KCNH6: variants seen among roughly 807,000 people sequenced by gnomAD.
KCNH6 encodes potassium voltage-gated channel subfamily H member 6.
A neutral mutation model predicts 83.4 loss-of-function variants in KCNH6; 81 were observed. The observed-to-expected ratio is 0.97, with a 90% CI of 0.81 to 1.17. The LOEUF is 1.17. Ranked by LOEUF, KCNH6 falls within the 50% of genes most tolerant of loss-of-function variation. The pLI, the probability that KCNH6 is intolerant of heterozygous loss-of-function variation, is 0.00. For synonymous variants in KCNH6, 503 were observed against 545.6 expected (o/e 0.92, Z 1.09); for missense variants, 1,203 against 1,290.5 (o/e 0.93, Z 1.04).
chr17:63,544,491 G>A, intron 11 of KCNH6, 80 bp downstream of exon 11: 2 of 1,323,860 alleles, frequency 1.5e-6, no homozygotes, highest in Non-Finnish European at 2.0e-6. Flanking sequence ...AGGGTGCCAG[G>A]TGGGTTTTAG....
intron 10 of KCNH6, 49 bp downstream of exon 10, chr17:63,543,709 C>G: frequency 9.2e-7 from 1 of 1,085,168 alleles, no homozygotes; most frequent in African/African-American, 1.5e-5. Flanking sequence ...CCCTGCCCAG[C>G]CTCCTACCCC....
rs9913102 is a variant in KCNH6 at position 63,533,204 on chromosome 17, G to A, written c.676-682G>A. Among the ~76,000 whole-genome samples, 963 of 152,138 alleles carry A rather than the reference G, an allele frequency of 6.3e-3. 12 individuals carry two copies. The highest frequency in any genetic ancestry group is 0.021 in the African/African-American group (876 of 41,512). On this transcript the variant is annotated intron_variant, in intron 4 of 12. Transcript: ENST00000314672. This position sits in a 1 kb window ranked among gnomAD's most constrained non-coding sequence, Gnocchi z 4.1. ...TGATCACAGTCTTGGAGGCGGGGGC[G>A]GGAGGGGAGAAGGGAGAAGGGAAGG...
intron 4 of KCNH6, among the ~76,000 whole-genome samples, chr17:63,532,037 G>C (rs1326791065): frequency 6.6e-6 from 1 of 152,252 alleles, no homozygotes; most frequent in East Asian, 1.9e-4. Flanking sequence ...CATCCTGAGG[G>C]CCTTGCAGCT....
chr17:63,542,182 C>T (rs2032899579), intron 8 of KCNH6, 59 bp from the exon 9 acceptor site: 4 of 1,568,000 alleles, frequency 2.6e-6, no homozygotes, highest in Non-Finnish European at 3.5e-6. Context: ...GGTCAAAGGA[C>T]CCTCATAAGG....
In KCNH6 at chr17:63,538,554, C is replaced by A; in HGVS notation, c.1846C>A (p.Pro616Thr). The A allele has an allele frequency of 6.2e-7, 1 of 1,612,000 alleles. No individual in the cohort carries two copies. Residue 616 changes from proline (P) to threonine (T), a missense_variant, in exon 8 of 13, where the codon CCG becomes ACG. Pro to Thr is a conservative substitution (Grantham distance 38). Coordinates refer to ENST00000314672, the MANE Select transcript of KCNH6 (RefSeq NM_001278919.2). This position sits in a 1 kb window ranked among gnomAD's most constrained non-coding sequence, Gnocchi z 4.0. ...CGTCAAGTTCAAGACCACCCACGCG[C>A]CGCCTGGGGACACGCTGGTGCACCT... Reference protein sequence around the residue: ...LAVKFKTTHAPPGDTLVHLGD... With the variant: ...LAVKFKTTHATPGDTLVHLGD...
rs896494193 is a variant in KCNH6 at position 63,534,088 on chromosome 17, G to A, written c.878G>A (p.Cys293Tyr). ...CAGGACGAATCACGGCGTGGGGCCT[G>A]CAGCTATACCTGCAGTCCCCTCACT... Reference protein sequence around the residue: ...SDQDESRRGACSYTCSPLTVV... With the variant: ...SDQDESRRGAYSYTCSPLTVV... The change falls in exon 5 of 13, where the codon TGC becomes TAC. Residue 293 changes from cysteine (C) to tyrosine (Y), a missense_variant. Physicochemically the swap from Cys to Tyr is radical, Grantham distance 194. Transcript: ENST00000314672. The surrounding 1 kb of genome is among the most constrained non-coding windows in gnomAD (Gnocchi z 5.0). 1 of 1,604,538 alleles carries A rather than the reference G, an allele frequency of 6.2e-7. No homozygotes were observed. The highest frequency in any genetic ancestry group is 8.5e-7 in the Non-Finnish European group (1 of 1,178,424).
Position 63,544,292 on chromosome 17 carries a change from G to A in KCNH6, c.2277G>A (p.Trp759Ter). 1 of 1,609,422 alleles carries A rather than the reference G, an allele frequency of 6.2e-7. No homozygotes were observed. The highest frequency in any genetic ancestry group is 2.2e-5 in the East Asian group (1 of 44,832). ...GCATCTCAGATGCATCTGGCCTCTG[G>A]CCTGAGCTACTGCAGGAAATGCCCC... ...PLSISDASGL[W>*]PELLQEMPPR... The change falls in exon 11 of 13, where the codon TGG (tryptophan) becomes TGA (stop). Residue 759 changes from tryptophan to a stop codon, truncating the protein, a stop_gained. Transcript: ENST00000314672. LOFTEE classifies it high-confidence loss of function.
rs2031493114 is a variant in KCNH6 at position 63,523,657 on chromosome 17, C to T, written c.76+168C>T. ...CAACACCTTCTCCTCCAGGGGGACC[C>T]GCTTGCCTTAAATGCTGTCCTCTTT... On this transcript the variant is annotated intron_variant, in intron 1 of 12. Coordinates refer to ENST00000314672, the MANE Select transcript of KCNH6 (RefSeq NM_001278919.2). This position sits in a 1 kb window ranked among gnomAD's most constrained non-coding sequence, Gnocchi z 4.2. 6.6e-6 allele frequency among the ~76,000 whole-genome samples: 1 copy of T among 152,066 alleles called. No homozygotes were observed. Among genetic ancestry groups the T allele is most frequent in the African/African-American group, 2.4e-5 (1 of 41,380 alleles).
Position 63,542,267 on chromosome 17 carries a change from G to A in KCNH6, c.1981G>A (p.Val661Ile), listed in dbSNP as rs758701564. 16 of 1,613,900 alleles carry A rather than the reference G, an allele frequency of 9.9e-6. No homozygotes were observed. Among genetic ancestry groups the A allele is most frequent in the Admixed American group, 1.7e-5 (1 of 60,008 alleles). Residue 661 changes from valine (V) to isoleucine (I), a missense_variant, in exon 9 of 13, where the codon GTC becomes ATC. Transcript: ENST00000314672. ...AAAGAATGACATCTTTGGGGAACCC[G>A]TCAGCCTCCATGCCCAGCCAGGCAA... ...LGKNDIFGEP[V>I]SLHAQPGKSS...
rs2147670308 is a variant in KCNH6 at position 63,534,108 on chromosome 17, C to T, written c.898C>T (p.Leu300Phe). The change falls in exon 5 of 13, where the codon CTC becomes TTC. Residue 300 changes from leucine to phenylalanine, a missense_variant. Transcript: ENST00000314672. The surrounding 1 kb of genome is among the most constrained non-coding windows in gnomAD (Gnocchi z 5.0). ...GGCCTGCAGCTATACCTGCAGTCCCCTCACTGTGGTGGATCTCATCGTGGA... is the reference window on the plus strand; with the variant it reads ...GGCCTGCAGCTATACCTGCAGTCCCTTCACTGTGGTGGATCTCATCGTGGA... ...RGACSYTCSP[L>F]TVVDLIVDIM... 6.2e-7 allele frequency: 1 copy of T among 1,613,008 alleles called. No homozygotes were observed. Among genetic ancestry groups the T allele is most frequent in the East Asian group, 2.2e-5 (1 of 44,834 alleles).
In KCNH6 at chr17:63,534,219, A is replaced by T; in HGVS notation, c.1009A>T (p.Ile337Phe). Residue 337 changes from isoleucine (I) to phenylalanine (F), a missense_variant, in exon 5 of 13, where the codon ATC (isoleucine) becomes TTC (phenylalanine). Physicochemically the swap from Ile to Phe is conservative, Grantham distance 21 (BLOSUM62 0). Coordinates refer to ENST00000314672, the MANE Select transcript of KCNH6 (RefSeq NM_001278919.2). The surrounding 1 kb of genome is among the most constrained non-coding windows in gnomAD (Gnocchi z 5.0). ...TGAGGTGGTCAGCCACCCCCGCCGC[A>T]TCGCCGTCCACTACTTCAAGGGCTG... ...NDEVVSHPRR[I>F]AVHYFKGWFL... The T allele has an allele frequency of 6.2e-7, 1 of 1,614,066 alleles. No individual in the cohort carries two copies. Among genetic ancestry groups the T allele is most frequent in the Non-Finnish European group, 8.5e-7 (1 of 1,179,982 alleles).
At chr17:63,547,965 T>TAAA (rs58169236), downstream of KCNH6, among the ~76,000 whole-genome samples, 7 of 133,112 alleles carry the variant, frequency 5.3e-5, no homozygotes, top group African/African-American at 5.4e-5. Context: ...CTCGGTCTCT[T>TAAA]AAAAAAAAAA....
In KCNH6 at chr17:63,544,278, G is replaced by A. The variant is rs199954815; in HGVS notation, c.2263G>A (p.Ala755Thr). ...DAAPPLSISDASGLWPELLQE... is the reference protein window; with the variant it reads ...DAAPPLSISDTSGLWPELLQE... ...AGCCCCTCCCCTGAGCATCTCAGAT[G>A]CATCTGGCCTCTGGCCTGAGCTACT... The change falls in exon 11 of 13, where the codon GCA (alanine) becomes ACA (threonine). Residue 755 changes from alanine to threonine, a missense_variant. Ala to Thr is a moderately conservative substitution (Grantham distance 58). Transcript: ENST00000314672. 59 of 1,600,516 alleles carry A rather than the reference G, an allele frequency of 3.7e-5. No homozygotes were observed. Among genetic ancestry groups the A allele is most frequent in the Admixed American group, 1.5e-4 (9 of 58,268 alleles).
rs144554001 is a variant in KCNH6 at position 63,538,483 on chromosome 17, G to A, written c.1775G>A (p.Cys592Tyr). The part of the protein sequence containing the change: ...LHLHRALLQH[C>Y]PAFSGAGKGC... ...CTGCACCGCGCACTGCTGCAGCACT[G>A]CCCAGCTTTCAGCGGCGCCGGCAAG... Residue 592 changes from cysteine to tyrosine, a missense_variant, in exon 8 of 13, where the codon TGC becomes TAC. By Grantham distance (194) the Cys-to-Tyr change is radical (BLOSUM62 -2). Coordinates refer to ENST00000314672, the MANE Select transcript of KCNH6 (RefSeq NM_001278919.2). The surrounding 1 kb of genome is among the most constrained non-coding windows in gnomAD (Gnocchi z 4.0). The A allele has an allele frequency of 4.4e-6, 7 of 1,604,094 alleles. No individual in the cohort carries two copies. In the African/African-American group the frequency reaches 9.4e-5, roughly 21 times the overall value.
In KCNH6 at chr17:63,538,799, C is replaced by A; in HGVS notation, c.1954+137C>A. The A allele has an allele frequency of 2.2e-6, 2 of 905,928 alleles. No homozygotes were observed. Among genetic ancestry groups the A allele is most frequent in the East Asian group, 2.6e-5 (1 of 38,230 alleles). The allele number at this position is 905,928 out of a possible 1,614,324, so 56.1% of individuals were successfully genotyped here. On this transcript the variant is annotated intron_variant, in intron 8 of 12. Coordinates refer to ENST00000314672, the MANE Select transcript of KCNH6 (RefSeq NM_001278919.2). The surrounding 1 kb of genome is among the most constrained non-coding windows in gnomAD (Gnocchi z 4.0). The stretch of plus-strand genomic sequence containing the variant: ...GGCAGCCACTTGCACAGCATGTGCC[C>A]GGGAGAGCTTTAGACCCAGCTGGCT...
rs149263021 is a variant in KCNH6 at position 63,545,216 on chromosome 17, G to A, written c.2535G>A (p.Thr845=). Residue 845 remains threonine, a synonymous_variant, in exon 12 of 13, where the codon ACG becomes ACA. Coordinates refer to ENST00000314672, the MANE Select transcript of KCNH6 (RefSeq NM_001278919.2). The stretch of plus-strand genomic sequence containing the variant: ...CCTTGGTTCCTATAGCCTCGGAGAC[G>A]ACGAGTCCAGGGCCCAGGCTGCCCC... The part of the protein sequence containing the change: ...DLALVPIASE[T]TSPGPRLPQG... The A allele has an allele frequency of 8.1e-4, 1,304 of 1,613,748 alleles. 3 individuals carry two copies. The highest frequency in any genetic ancestry group is 7.3e-3 in the Admixed American group (441 of 60,034).
In KCNH6 at chr17:63,538,246, T is replaced by G. The variant is rs372958914; in HGVS notation, c.1683T>G (p.Asn561Lys). 6.2e-7 allele frequency: 1 copy of G among 1,613,914 alleles called. No individual in the cohort carries two copies. The highest frequency in any genetic ancestry group is 8.5e-7 in the Non-Finnish European group (1 of 1,179,992). The change falls in exon 7 of 13, where the codon AAT (asparagine) becomes AAG (lysine). Residue 561 changes from asparagine to lysine, a missense_variant. Asn to Lys is a moderately conservative substitution (Grantham distance 94). Coordinates refer to ENST00000314672, the MANE Select transcript of KCNH6 (RefSeq NM_001278919.2). This position sits in a 1 kb window ranked among gnomAD's most constrained non-coding sequence, Gnocchi z 4.0. ...EYFQHAWSYT[N>K]GIDMNAVLKG... ...TCCAGCACGCCTGGTCCTACACCAA[T>G]GGCATTGACATGAACGCGGTGAGCC...
chr17:63,543,961 C>CTGCA (rs1176088336), intron 10 of KCNH6: 2 of 1,046,396 alleles, frequency 1.9e-6, no homozygotes, highest in Admixed American at 5.4e-5. Flanking sequence ...GGCCACTGGG[C>CTGCA]TGCAGCTCCC....
At chr17:63,526,620 T>C (rs1045033312) in intron 2 of KCNH6, among the ~76,000 whole-genome samples, 3 of 152,130 alleles carry the variant, frequency 2.0e-5, no homozygotes, top group African/African-American at 7.2e-5. Context: ...ACAGTCCTGC[T>C]GAGGGGCATC....
Sources: allele counts gnomAD v4.1 joint callset (sites outside exome capture counted in the v4.1 genomes callset), GRCh38; gene constraint gnomAD v4.1.1; non-coding constraint Gnocchi (gnomAD v3.1); transcripts MANE v1.5; gene names NCBI Gene and HGNC (gene_info 2026-07-23, HGNC 2026-07-21).